DUSP10: variants seen among roughly 807,000 people sequenced by gnomAD.
DUSP10 encodes dual specificity protein phosphatase 10.
Under a neutral mutation model 30.8 loss-of-function variants are expected in DUSP10, and 14 were observed. The observed-to-expected ratio is 0.46, with a 90% CI of 0.30 to 0.71. The LOEUF is 0.71. Among genes scored for constraint, DUSP10 ranks in the 30% least tolerant of loss-of-function variants. The probability of loss-of-function intolerance (pLI) is 0.08; values close to 1 mark genes in which losing one functional copy is unlikely to be tolerated. For missense variants in DUSP10, 550 were observed against 619.4 expected (o/e 0.89, Z 1.19); for synonymous variants, 254 against 250.4 (o/e 1.01, Z -0.14).
chr1:221,735,919 A>G (rs1213358478), intron 2 of DUSP10, among the ~76,000 whole-genome samples: 1 of 152,232 alleles, frequency 6.6e-6, no homozygotes, highest in African/African-American at 2.4e-5. Context: ...GTAAAACAAT[A>G]TAATTCTTTC....
At chr1:221,710,062 A>G (rs1472365292) in intron 2 of DUSP10, among the ~76,000 whole-genome samples, 1 of 152,170 alleles carries the variant, frequency 6.6e-6, no homozygotes, top group Non-Finnish European at 1.5e-5. Flanking sequence ...TTCCCTCATT[A>G]AGCCTCAGTT....
chr1:221,731,172 G>A (rs1661579303), intron 2 of DUSP10, among the ~76,000 whole-genome samples: 1 of 152,096 alleles, frequency 6.6e-6, no homozygotes, highest in Non-Finnish European at 1.5e-5. Flanking sequence ...TTCCTCGAAG[G>A]GGATTTAGGG....
In DUSP10 at chr1:221,739,399, G is replaced by T. The variant is rs756858765; in HGVS notation, c.346C>A (p.Gln116Lys). The change falls in exon 2 of 4, where the codon CAG becomes AAG. Residue 116 changes from glutamine (Q) to lysine (K), a missense_variant. Gln to Lys is a moderately conservative substitution (Grantham distance 53, BLOSUM62 1). Transcript: ENST00000366899. ...IGTSTTCPAN[Q>K]MVNNNENTGS... is the part of the protein sequence containing the mutation. Reference sequence around the variant, plus strand: ...GTATTCTCATTATTGTTGACCATCTGGTTAGCAGGGCAGGTGGTAGAGGTT... The same window carrying T: ...GTATTCTCATTATTGTTGACCATCTTGTTAGCAGGGCAGGTGGTAGAGGTT... The T allele has an allele frequency of 1.2e-6, 2 of 1,614,182 alleles. No homozygotes were observed. Among genetic ancestry groups the T allele is most frequent in the South Asian group, 1.1e-5 (1 of 91,080 alleles).
intron 2 of DUSP10, among the ~76,000 whole-genome samples, chr1:221,725,791 A>G (rs561184415): frequency 6.6e-6 from 1 of 152,274 alleles, no homozygotes; most frequent in Admixed American, 6.5e-5. Flanking sequence ...GGGAGACACA[A>G]ACACATCTAC....
chr1:221,712,674 T>C (rs1478049552), intron 2 of DUSP10, among the ~76,000 whole-genome samples: 1 of 149,690 alleles, frequency 6.7e-6, no homozygotes, highest in Non-Finnish European at 1.5e-5. Flanking sequence ...AATAAGTTAG[T>C]CCCTCCATTC....
chr1:221,735,566 G>A (rs61823529), intron 2 of DUSP10, among the ~76,000 whole-genome samples: 4,622 of 152,228 alleles, frequency 0.03, 147 homozygotes, highest in Middle Eastern at 0.045. Context: ...TATTTCAACA[G>A]AAAAGAGAAA....
chr1:221,708,862 C>T (rs1048249904), intron 2 of DUSP10, among the ~76,000 whole-genome samples: 2 of 152,104 alleles, frequency 1.3e-5, no homozygotes, highest in Non-Finnish European at 2.9e-5. Context: ...TCAAAAAAGG[C>T]AGTTGTTACA....
intron 2 of DUSP10, among the ~76,000 whole-genome samples, chr1:221,733,023 C>A (rs180745955): frequency 6.6e-6 from 1 of 152,196 alleles, no homozygotes; most frequent in Non-Finnish European, 1.5e-5. Flanking sequence ...TCTTTTTCAA[C>A]CAACTTGGAT....
intron 2 of DUSP10, among the ~76,000 whole-genome samples, chr1:221,723,423 A>G (rs963889287): frequency 2.0e-5 from 3 of 152,244 alleles, no homozygotes; most frequent in African/African-American, 7.2e-5. Flanking sequence ...GCAATACTGC[A>G]ATATAATTCT....
At chr1:221,737,892 C>T (rs1224844973) in intron 2 of DUSP10, among the ~76,000 whole-genome samples, 1 of 152,194 alleles carries the variant, frequency 6.6e-6, no homozygotes, top group East Asian at 1.9e-4. Context: ...CACCTTTGGT[C>T]AACACACTTT....
At chr1:221,711,766 A>G (rs1334607234) in intron 2 of DUSP10, 1 of 152,230 alleles carries the variant, frequency 6.6e-6, no homozygotes, top group Non-Finnish European at 1.5e-5. Context: ...TAGGTGTTTT[A>G]TTATAAGTGG....
intron 2 of DUSP10, among the ~76,000 whole-genome samples, chr1:221,721,627 G>A (rs12027071): frequency 0.012 from 1,775 of 152,272 alleles, 51 homozygotes; most frequent in East Asian, 0.061. Flanking sequence ...AGGGAGGGCT[G>A]AAATCCAAGG....
chr1:221,739,794 A>G lies in DUSP10; in HGVS notation c.-43-7T>C. The stretch of plus-strand genomic sequence containing the variant: ...AAGAAGAACTCAAGACAGTCTGTAA[A>G]GAAGGGGAAGGGGGAAAGAAAGAAT... On this transcript the variant is annotated splice_region_variant and splice_polypyrimidine_tract_variant and intron_variant, in intron 1 of 3. Transcript: ENST00000366899. 6.6e-7 allele frequency: 1 copy of G among 1,518,176 alleles called. No homozygotes were observed. The highest frequency in any genetic ancestry group is 1.4e-5 in the African/African-American group (1 of 72,152). 94.0% of individuals were successfully genotyped at this position (1,518,176 alleles called of 1,614,324 possible). A position where few individuals can be genotyped will look rare whatever the true frequency, so the allele number is the denominator to read the frequency against.
chr1:221,702,713 G>C lies in DUSP10; in HGVS notation c.1184-36C>G. On this transcript the variant is annotated intron_variant, in intron 3 of 3. Coordinates refer to ENST00000366899, the MANE Select transcript of DUSP10 (RefSeq NM_007207.6). This position sits in a 1 kb window ranked among gnomAD's most constrained non-coding sequence, Gnocchi z 4.5. ...GGAGAAAGACAAGAGATGAAGGGAA[G>C]ATGGAAGAGAGAGGCACGGAGAGAG... 2.5e-6 allele frequency: 4 copies of C among 1,605,620 alleles called. No individual in the cohort carries two copies. The South Asian group carries it at 3.3e-5, about 13-fold the overall frequency.
At chr1:221,735,934 A>G (rs1167476368) in intron 2 of DUSP10, among the ~76,000 whole-genome samples, 1 of 152,194 alleles carries the variant, frequency 6.6e-6, no homozygotes, top group Admixed American at 6.5e-5. Context: ...TCTTTCAAAG[A>G]CCTCACAAAT....
Position 221,715,420 on chromosome 1 carries a change from G to A in DUSP10, c.812-8954C>T, listed in dbSNP as rs114169937. 8.1e-3 allele frequency among the ~76,000 whole-genome samples: 1,238 copies of A among 152,242 alleles called. 8 individuals are homozygous for A. Among genetic ancestry groups the A allele is most frequent in the African/African-American group, 0.028 (1,166 of 41,524 alleles). On this transcript the variant is annotated intron_variant, in intron 2 of 3. Coordinates refer to ENST00000366899, the MANE Select transcript of DUSP10 (RefSeq NM_007207.6). ...AAGAGCTGGGGATTGGATTTCCGCCGGCTGGAGTAGCTCAGTCCACACAGA... is the reference window on the plus strand; with the variant it reads ...AAGAGCTGGGGATTGGATTTCCGCCAGCTGGAGTAGCTCAGTCCACACAGA...
chr1:221,708,952 G>C (rs1374761888), intron 2 of DUSP10, among the ~76,000 whole-genome samples: 1 of 145,646 alleles, frequency 6.9e-6, no homozygotes, highest in Non-Finnish European at 1.5e-5. Context: ...AAACCTCTCT[G>C]TTCTTATTTA....
intron 2 of DUSP10, among the ~76,000 whole-genome samples, chr1:221,720,727 T>G (rs1196218111): frequency 6.6e-6 from 1 of 152,168 alleles, no homozygotes; most frequent in African/African-American, 2.4e-5. Context: ...GGATAAAAAT[T>G]TATTTTTCTT....
At chr1:221,721,267 G>T (rs1415019883) in intron 2 of DUSP10, among the ~76,000 whole-genome samples, 1 of 152,146 alleles carries the variant, frequency 6.6e-6, no homozygotes, top group Non-Finnish European at 1.5e-5. Flanking sequence ...TTATTGTAAA[G>T]CATCTATTAT....
Sources: gnomAD v4.1 joint callset for allele counts (sites outside exome capture counted in the v4.1 genomes callset) on GRCh38, gnomAD v4.1.1 for gene constraint, Gnocchi (gnomAD v3.1) non-coding constraint, MANE v1.5 for transcripts, NCBI Gene and HGNC (gene_info 2026-07-23, HGNC 2026-07-21) for gene names.